The following PALM variants were observed in gnomAD, a reference collection of about 807,000 sequenced individuals.
PALM encodes paralemmin-1.
A neutral mutation model predicts 30.7 loss-of-function variants in PALM; 18 were observed. That is an observed-to-expected ratio of 0.59 (90% CI 0.41 to 0.87). The LOEUF is 0.87. Ranked by LOEUF, PALM falls within the 40% of genes least tolerant of loss-of-function variation. The pLI is 0.00. For missense variants in PALM, 529 were observed against 555.4 expected, an observed-to-expected ratio of 0.95 and a Z score of 0.48; for synonymous variants, 286 against 242.8, an observed-to-expected ratio of 1.18 and a Z score of -1.66.
chr19:743,671 C>G (rs545572691), intron 8 of PALM, among the ~76,000 whole-genome samples: 1 of 152,314 alleles, frequency 6.6e-6, no homozygotes, highest in South Asian at 2.1e-4. Flanking sequence ...TCCCAACTCC[C>G]AGCGTGGCCC....
intron 4 of PALM, among the ~76,000 whole-genome samples, chr19:728,453 G>C (rs889447723): frequency 4.6e-5 from 7 of 152,228 alleles, no homozygotes; most frequent in Non-Finnish European, 8.8e-5. Context: ...CTGCCCATTT[G>C]CTTTGAAGAA....
chr19:743,548 G>A (rs2033252293), intron 8 of PALM, among the ~76,000 whole-genome samples: 1 of 152,204 alleles, frequency 6.6e-6, no homozygotes, highest in South Asian at 2.1e-4. Flanking sequence ...TCCCCTCCCT[G>A]GGGGCTTAGA....
At chr19:713,976 C>G (rs2032170821) in intron 1 of PALM, among the ~76,000 whole-genome samples, 1 of 150,372 alleles carries the variant, frequency 6.7e-6, no homozygotes, top group Admixed American at 6.6e-5. Flanking sequence ...GTGATCTCGG[C>G]TCACTGCAAC....
rs747788559 is a variant in PALM at position 746,612 on chromosome 19, A to C, written c.962A>C (p.Gln321Pro). The part of the protein sequence containing the change: ...EAETKKVLGL[Q>P]DTITAELVVI... ...GAGACCAAGAAGGTGCTGGGCCTTC[A>C]AGATACCATCACGGCGGAGCTGGTG... The change falls in exon 9 of 9, where the codon CAA (glutamine) becomes CCA (proline). Residue 321 changes from glutamine to proline, a missense_variant. Physicochemically the swap from Gln to Pro is moderately conservative, Grantham distance 76. Transcript: ENST00000338448. This position sits in a 1 kb window ranked among gnomAD's most constrained non-coding sequence, Gnocchi z 7.1. The C allele has an allele frequency of 1.9e-6, 3 of 1,613,258 alleles. No homozygotes were observed. Among genetic ancestry groups the C allele is most frequent in the Non-Finnish European group, 2.5e-6 (3 of 1,179,878 alleles).
rs2032000306 is a variant in PALM at position 709,550 on chromosome 19, CCTCGCG to C, written c.5+403_5+408del. ...CCCTCCCCAGATTGCACCGGTCCGG[CCTCGCG>C]CTCACGCACCCTTCCCCCGCCCCAG... On this transcript the variant is annotated intron_variant, in intron 1 of 8. Transcript: ENST00000338448. The surrounding 1 kb of genome is among the most constrained non-coding windows in gnomAD (Gnocchi z 4.3). Among the ~76,000 whole-genome samples the C allele has an allele frequency of 6.6e-6, 1 of 152,088 alleles. No homozygotes were observed. Among genetic ancestry groups the C allele is most frequent in the African/African-American group, 2.4e-5 (1 of 41,434 alleles).
chr19:719,206 C>G (rs1429851749), intron 1 of PALM: 1 of 985,470 alleles, frequency 1.0e-6, no homozygotes, highest in African/African-American at 1.7e-5. Flanking sequence ...CCCACACACG[C>G]CCCTCCCGCC....
chr19:722,410 G>C (rs1490557727), intron 1 of PALM: 2 of 152,028 alleles, frequency 1.3e-5, no homozygotes, highest in Non-Finnish European at 2.9e-5. Flanking sequence ...AGTTATTTTT[G>C]TAGAGACAGG....
In PALM at chr19:746,322, C is replaced by G; in HGVS notation, c.672C>G (p.Ile224Met). ...HAVDGTAENG[I>M]HPLSSSEVDE... The stretch of plus-strand genomic sequence containing the variant: ...TGGACGGCACCGCCGAGAACGGGAT[C>G]CACCCCCTGAGCTCCTCCGAGGTGG... Residue 224 changes from isoleucine (I) to methionine (M), a missense_variant, in exon 9 of 9, where the codon ATC (isoleucine) becomes ATG (methionine). Transcript: ENST00000338448. The surrounding 1 kb of genome is among the most constrained non-coding windows in gnomAD (Gnocchi z 7.1). The G allele has an allele frequency of 2.5e-6, 4 of 1,613,440 alleles. No homozygotes were observed. The highest frequency in any genetic ancestry group is 1.1e-5 in the South Asian group (1 of 91,070).
At chr19:726,965 G>GGGGGGGGGACGGGGGC in intron 2 of PALM, 43 bp from the exon 3 acceptor site, 1 of 1,037,618 alleles carries the variant, frequency 9.6e-7, no homozygotes, top group East Asian at 3.9e-5. Context: ...GGGTCTCCGG[G>GGGGGGGGGACGGGGGC]ACCCCCACGC....
chr19:719,268 C>T (rs1386645002), intron 1 of PALM: 1 of 985,392 alleles, frequency 1.0e-6, no homozygotes, highest in Non-Finnish European at 1.2e-6. Flanking sequence ...TGCGTAACCT[C>T]TCTGGGCCCT....
intron 6 of PALM, 114 bp from the exon 7 acceptor site, chr19:735,905 G>A: frequency 2.4e-6 from 2 of 831,218 alleles, no homozygotes; most frequent in East Asian, 5.3e-5. Flanking sequence ...CAAAGGCCCA[G>A]GTGCATGTGG....
intron 1 of PALM, among the ~76,000 whole-genome samples, chr19:717,235 G>A (rs1447820860): frequency 6.6e-6 from 1 of 151,900 alleles, no homozygotes; most frequent in African/African-American, 2.4e-5. Context: ...GCAGAGTTGT[G>A]TATCTTTCAC....
chr19:747,088 A>C lies in PALM; in HGVS notation c.*274A>C. ...GCTTTTCCCGAGACAAGGACCCCCC[A>C]TGTCACGGCAGCTTCACAGACGCGG... On this transcript the variant is annotated 3_prime_UTR_variant, in exon 9 of 9. Coordinates refer to ENST00000338448, the MANE Select transcript of PALM (RefSeq NM_002579.3). 58 of 379,802 alleles carry C rather than the reference A, an allele frequency of 1.5e-4. No homozygotes were observed. The highest frequency in any genetic ancestry group is 7.4e-4 in the Middle Eastern group (1 of 1,360). The allele number at this position is 379,802 out of a possible 1,614,324, so 23.5% of individuals were successfully genotyped here.
At chr19:719,475 T>G in intron 1 of PALM, 2 of 985,056 alleles carry the variant, frequency 2.0e-6, no homozygotes, top group Non-Finnish European at 2.4e-6. Context: ...GGGGTGGGCG[T>G]CGGGCGGGGG....
At chr19:710,659 C>G (rs904693506) in intron 1 of PALM, among the ~76,000 whole-genome samples, 3 of 93,910 alleles carry the variant, frequency 3.2e-5, no homozygotes, top group Admixed American at 2.1e-4. Context: ...CTGCCCCCCC[C>G]CCACCCCCCC....
In PALM at chr19:726,198, C is replaced by A. The variant is rs751162720; in HGVS notation, c.57+9C>A. 2 of 1,612,158 alleles carry A rather than the reference C, an allele frequency of 1.2e-6. No homozygotes were observed. Among genetic ancestry groups the A allele is most frequent in the Admixed American group, 3.3e-5 (2 of 59,990 alleles). Reference sequence around the variant, plus strand: ...GGCTGCAGGCCATCGCAGTGAGTTTCCGCCGCCCCGCAGACGGTGTGGTCA... The same window carrying A: ...GGCTGCAGGCCATCGCAGTGAGTTTACGCCGCCCCGCAGACGGTGTGGTCA... On this transcript the variant is annotated intron_variant, in intron 2 of 8. Coordinates refer to ENST00000338448, the MANE Select transcript of PALM (RefSeq NM_002579.3).
chr19:740,488 G>T lies in PALM; in HGVS notation c.634+5G>T. ...TCTACGAGGACGAGACCAAAGGTAC[G>T]AGCACCCCGGCCCCTGCCCTCCCTC... On this transcript the variant is annotated splice_donor_5th_base_variant and intron_variant, in intron 8 of 8. Transcript: ENST00000338448. 1 of 1,549,242 alleles carries T rather than the reference G, an allele frequency of 6.5e-7. No individual in the cohort carries two copies. The highest frequency in any genetic ancestry group is 8.7e-7 in the Non-Finnish European group (1 of 1,145,706).
At chr19:710,382 G>A (rs2032032311) in intron 1 of PALM, among the ~76,000 whole-genome samples, 1 of 152,176 alleles carries the variant, frequency 6.6e-6, no homozygotes, top group South Asian at 2.1e-4. Context: ...GGGCTCAGGG[G>A]AGCCAGGGCC....
At chr19:715,396 C>T (rs768392872) in intron 1 of PALM, among the ~76,000 whole-genome samples, 2 of 152,236 alleles carry the variant, frequency 1.3e-5, no homozygotes, top group Non-Finnish European at 1.5e-5. Context: ...TCACCATCCT[C>T]GTGCTGTGCG....
Sources: allele counts gnomAD v4.1 joint callset (sites outside exome capture counted in the v4.1 genomes callset), GRCh38; gene constraint gnomAD v4.1.1; non-coding constraint Gnocchi (gnomAD v3.1); transcripts MANE v1.5; gene names NCBI Gene and HGNC (gene_info 2026-07-23, HGNC 2026-07-21).